The following FAM107B variants were observed in gnomAD, a reference collection of about 807,000 sequenced individuals.
FAM107B encodes the protein protein FAM107B.
In FAM107B, 21 loss-of-function variants were observed where a neutral mutation model predicts 31.5. The observed-to-expected ratio is 0.67, with a 90% CI of 0.47 to 0.96. The LOEUF (loss-of-function observed/expected upper bound fraction) is 0.96, where lower values mean the gene tolerates loss of function less well. FAM107B is among the 40% of genes least tolerant of loss of function. FAM107B has a pLI of 0.00. For missense variants in FAM107B, 452 were observed against 377.1 expected (o/e 1.20, Z -1.64); for synonymous variants, 157 against 141.5 (o/e 1.11, Z -0.78).
intron 2 of FAM107B, among the ~76,000 whole-genome samples, chr10:14,620,564 G>C (rs190802199): frequency 6.6e-5 from 10 of 152,022 alleles, no homozygotes; most frequent in African/African-American, 2.4e-4. Context: ...TAAGTTCTGG[G>C]ATACATGTGC....
At chr10:14,699,709 C>A (rs1371375692) in intron 1 of FAM107B, among the ~76,000 whole-genome samples, 2 of 152,190 alleles carry the variant, frequency 1.3e-5, no homozygotes, top group Admixed American at 6.5e-5. Flanking sequence ...CACCACTTAG[C>A]CCAGTCAAGC....
chr10:14,723,613 C>A (rs530002390), intron 1 of FAM107B: 21 of 695,788 alleles, frequency 3.0e-5, no homozygotes, highest in African/African-American at 2.8e-4. Flanking sequence ...ATCTGTGTGA[C>A]ACAGAGCAAT....
chr10:14,740,546 T>C (rs1388176789), intron 1 of FAM107B, among the ~76,000 whole-genome samples: 1 of 152,198 alleles, frequency 6.6e-6, no homozygotes, highest in East Asian at 1.9e-4. Context: ...TCTGAATTTT[T>C]TAAAACCCAT....
chr10:14,667,498 G>A lies in FAM107B; in HGVS notation c.469+136C>T, dbSNP rs965240853. ...ATGTCGTGCCTGGAATATATCACAC[G>A]TGACATTTCTAGTCATGTTTCCAAT... is the stretch of plus-strand genomic sequence containing the variant. On this transcript the variant is annotated intron_variant, in intron 2 of 4. Transcript: ENST00000181796. 2.6e-5 allele frequency: 21 copies of A among 817,376 alleles called. No individual in the cohort carries two copies. The South Asian group carries it at 2.7e-4, about 10-fold the overall frequency. The allele number at this position is 817,376 out of a possible 1,614,324, so 50.6% of individuals were successfully genotyped here. A position where few individuals can be genotyped will look rare whatever the true frequency, so the allele number is the denominator to read the frequency against.
intron 1 of FAM107B, among the ~76,000 whole-genome samples, chr10:14,771,005 G>C (rs954139924): frequency 6.5e-5 from 6 of 91,890 alleles, no homozygotes; most frequent in African/African-American, 1.9e-4. Context: ...AAAAAAAAAA[G>C]ATTATTTGTG....
At chr10:14,768,534 T>C (rs553403221) in intron 1 of FAM107B, among the ~76,000 whole-genome samples, 1 of 152,286 alleles carries the variant, frequency 6.6e-6, no homozygotes, top group Non-Finnish European at 1.5e-5. Context: ...GACCACTCAA[T>C]GGGGAAAAGA....
In FAM107B at chr10:14,774,500, T is replaced by G; in HGVS notation, c.164A>C (p.Gln55Pro). The change falls in exon 1 of 5, where the codon CAG (glutamine) becomes CCG (proline). Residue 55 changes from glutamine to proline, a missense_variant. Gln to Pro is a moderately conservative substitution (Grantham distance 76). Transcript: ENST00000181796. ...VADTHSTVRV[Q>P]PVAKAGRQPR... ...CTGTCTGCCTGCTTTGGCCACAGGC[T>G]GCACACGGACGGTGGAATGAGTATC... 1 of 1,614,226 alleles carries G rather than the reference T, an allele frequency of 6.2e-7. No homozygotes were observed. Among genetic ancestry groups the G allele is most frequent in the Non-Finnish European group, 8.5e-7 (1 of 1,180,048 alleles).
chr10:14,743,576 A>T (rs1398368941), intron 1 of FAM107B, among the ~76,000 whole-genome samples: 1 of 152,234 alleles, frequency 6.6e-6, no homozygotes, highest in Non-Finnish European at 1.5e-5. Context: ...GCATATGGCT[A>T]GCCAGTTCTC....
In FAM107B at chr10:14,565,002, T is replaced by C. The variant is rs12242612; in HGVS notation, c.470-34487A>G. On this transcript the variant is annotated intron_variant, in intron 2 of 4. Transcript: ENST00000181796. ...TGGAAGTCTGAGGCAGGAGGATCAC[T>C]TGAGCCCAAGAGTTCAAGACCAGCC... 2.0e-3 allele frequency among the ~76,000 whole-genome samples: 309 copies of C among 152,310 alleles called. 1 individual carries two copies. The highest frequency in any genetic ancestry group is 6.9e-3 in the African/African-American group (288 of 41,580).
intron 1 of FAM107B, among the ~76,000 whole-genome samples, chr10:14,707,364 C>G (rs1384569577): frequency 0.029 from 3 of 102 alleles, no homozygotes; most frequent in Non-Finnish European, 0.068. Flanking sequence ...CAATGACATT[C>G]TCAAAGACAC....
At chr10:14,649,336 G>A (rs1853842055) in intron 2 of FAM107B, among the ~76,000 whole-genome samples, 1 of 152,178 alleles carries the variant, frequency 6.6e-6, no homozygotes, top group African/African-American at 2.4e-5. Context: ...TGTCTCTTGT[G>A]GGGAAAACCT....
chr10:14,570,233 G>GGGGTGTGTGTGTGT (rs1554835078), intron 2 of FAM107B, among the ~76,000 whole-genome samples: 14 of 140,338 alleles, frequency 1.0e-4, no homozygotes, highest in African/African-American at 3.5e-4. Flanking sequence ...AAATGTGGTG[G>GGGGTGTGTGTGTGT]GTGTGTGTGT....
At chr10:14,698,048 C>G (rs1010596362) in intron 1 of FAM107B, among the ~76,000 whole-genome samples, 1 of 151,996 alleles carries the variant, frequency 6.6e-6, no homozygotes, top group Non-Finnish European at 1.5e-5. Flanking sequence ...TCGATTGAAC[C>G]CAGGAGGTGG....
At chr10:14,766,782 A>G (rs1229228789) in intron 1 of FAM107B, among the ~76,000 whole-genome samples, 4 of 151,394 alleles carry the variant, frequency 2.6e-5, no homozygotes, top group African/African-American at 9.7e-5. Context: ...TAGACCTATA[A>G]CTGGTATGGA....
chr10:14,667,122 T>A (rs1854421866), intron 2 of FAM107B, among the ~76,000 whole-genome samples: 1 of 152,228 alleles, frequency 6.6e-6, no homozygotes, highest in Admixed American at 6.5e-5. Context: ...TCATTACAGA[T>A]CACAGTCATA....
chr10:14,750,541 G>C (rs1051918369), intron 1 of FAM107B, among the ~76,000 whole-genome samples: 1 of 152,188 alleles, frequency 6.6e-6, no homozygotes, highest in African/African-American at 2.4e-5. Flanking sequence ...GAACCCGGGA[G>C]GGGGAGGTTG....
intron 3 of FAM107B, chr10:14,530,118 G>A (rs575163969): frequency 1.9e-6 from 1 of 517,298 alleles, no homozygotes; most frequent in African/African-American, 1.9e-5. Flanking sequence ...CAGGAGTCTG[G>A]AAGCACTGCT....
intron 2 of FAM107B, chr10:14,602,950 C>T (rs1271343784): frequency 2.0e-5 from 3 of 151,464 alleles, no homozygotes; most frequent in Non-Finnish European, 4.4e-5. Flanking sequence ...ATATTTTAGG[C>T]TGATGTGGCT....
rs144320695 is a variant in FAM107B at position 14,539,487 on chromosome 10, T to G, written c.470-8972A>C. ...AAATATATCATGATCAAAGCCAAAGTTAAAAAAAAACAAAGCAGTTCTCAC... is the reference window on the plus strand; with the variant it reads ...AAATATATCATGATCAAAGCCAAAGGTAAAAAAAAACAAAGCAGTTCTCAC... On this transcript the variant is annotated intron_variant, in intron 2 of 4. Transcript: ENST00000181796. Among the ~76,000 whole-genome samples the G allele has an allele frequency of 2.7e-4, 41 of 151,810 alleles. No individual in the cohort carries two copies. In the East Asian group the frequency reaches 7.6e-3, roughly 28 times the overall value.
Sources: gnomAD v4.1 joint callset for allele counts (sites outside exome capture counted in the v4.1 genomes callset) on GRCh38, gnomAD v4.1.1 for gene constraint, MANE v1.5 for transcripts, NCBI Gene and HGNC (gene_info 2026-07-23, HGNC 2026-07-21) for gene names.